The following NXPE2 variants were observed in gnomAD, a reference collection of about 807,000 sequenced individuals.
NXPE2 encodes neurexophilin and PC-esterase domain family member 2, also known as NXPE family member 2.
NXPE2 carries 34 observed loss-of-function variants against 34.4 expected under a neutral mutation model. That is an observed-to-expected ratio of 0.99 (90% CI 0.75 to 1.31). The LOEUF (loss-of-function observed/expected upper bound fraction) is 1.31, where lower values mean the gene tolerates loss of function less well. NXPE2 is among the 40% of genes most tolerant of loss of function. The pLI, the probability that NXPE2 is intolerant of heterozygous loss-of-function variation, is 0.00. For missense variants in NXPE2, 649 were observed against 672.5 expected, an observed-to-expected ratio of 0.97 and a Z score of 0.39; for synonymous variants, 235 against 231.3, an observed-to-expected ratio of 1.02 and a Z score of -0.15.
chr11:114,633,277 T>C, the NXPE2 span, among the ~76,000 whole-genome samples: 3 of 135,896 alleles, frequency 2.2e-5, no homozygotes, highest in African/African-American at 5.7e-5. Flanking sequence ...TATAGTATTA[T>C]GTTATATTAT....
chr11:114,654,065 C>A, the NXPE2 span, among the ~76,000 whole-genome samples: 1 of 152,092 alleles, frequency 6.6e-6, no homozygotes, highest in African/African-American at 2.4e-5. Context: ...GACAATGATA[C>A]AAAGTGGTGA....
chr11:114,547,472 C>A, the NXPE2 span, among the ~76,000 whole-genome samples: 2 of 152,242 alleles, frequency 1.3e-5, no homozygotes, highest in African/African-American at 4.8e-5. Context: ...CGGTGGCTCA[C>A]GCCTGTAATC....
the NXPE2 span, chr11:114,517,744 T>G: frequency 6.6e-6 from 1 of 151,904 alleles, no homozygotes; most frequent in African/African-American, 2.4e-5. Flanking sequence ...AAACCAGAGG[T>G]TGGGGGTCAG....
At chr11:114,769,980 A>C in the NXPE2 span, among the ~76,000 whole-genome samples, 2 of 152,320 alleles carry the variant, frequency 1.3e-5, no homozygotes, top group Non-Finnish European at 2.9e-5. Context: ...AAAGACAAAA[A>C]GAACCTGGAA....
the NXPE2 span, chr11:114,583,252 G>C: frequency 1.5e-6 from 1 of 673,656 alleles, no homozygotes; most frequent in South Asian, 1.7e-5. Flanking sequence ...AAGTGAGCAA[G>C]ATGGCGCAAA....
chr11:114,573,515 T>C, the NXPE2 span, among the ~76,000 whole-genome samples: 1 of 151,918 alleles, frequency 6.6e-6, no homozygotes, highest in African/African-American at 2.4e-5. Context: ...GGTAAAGGGG[T>C]GGAAAAAGAT....
chr11:114,772,128 T>G, the NXPE2 span, among the ~76,000 whole-genome samples: 2 of 152,196 alleles, frequency 1.3e-5, no homozygotes, highest in Non-Finnish European at 2.9e-5. Context: ...GTCCATTAAG[T>G]AGTCTCTTGT....
the NXPE2 span, among the ~76,000 whole-genome samples, chr11:114,672,644 A>C: frequency 6.6e-6 from 1 of 151,920 alleles, no homozygotes; most frequent in Non-Finnish European, 1.5e-5. Flanking sequence ...GTATCATTCA[A>C]ACAGCAATAA....
the NXPE2 span, among the ~76,000 whole-genome samples, chr11:114,786,184 G>T: frequency 6.6e-6 from 1 of 152,220 alleles, no homozygotes; most frequent in African/African-American, 2.4e-5. Flanking sequence ...CTGCATTGCG[G>T]TGCTGATCCC....
At chr11:114,611,927 C>T in the NXPE2 span, among the ~76,000 whole-genome samples, 136 of 148,018 alleles carry the variant, frequency 9.2e-4, 1 homozygote, top group East Asian at 0.022. Context: ...AAATTTTGCC[C>T]GGTGGGTAAC....
the NXPE2 span, among the ~76,000 whole-genome samples, chr11:114,619,937 C>T: frequency 6.6e-6 from 1 of 151,904 alleles, no homozygotes; most frequent in Admixed American, 6.6e-5. Context: ...ACCACTGTTA[C>T]CCGGTGGATA....
At chr11:114,485,058 G>A in the NXPE2 span, among the ~76,000 whole-genome samples, 1 of 151,990 alleles carries the variant, frequency 6.6e-6, no homozygotes, top group Non-Finnish European at 1.5e-5. Flanking sequence ...AATTTTTGTG[G>A]TAACATAATA....
the NXPE2 span, among the ~76,000 whole-genome samples, chr11:114,626,577 C>G: frequency 6.6e-6 from 1 of 152,160 alleles, no homozygotes; most frequent in East Asian, 1.9e-4. Context: ...GGGGAAAAAA[C>G]AGAGCAGAAA....
the NXPE2 span, among the ~76,000 whole-genome samples, chr11:114,649,456 T>C: frequency 2.7e-3 from 417 of 152,296 alleles, no homozygotes; most frequent in African/African-American, 9.3e-3. Flanking sequence ...CTCACAACTA[T>C]TATGCTCAGT....
the NXPE2 span, chr11:114,571,072 C>A: frequency 6.2e-7 from 1 of 1,613,962 alleles, no homozygotes; most frequent in Non-Finnish European, 8.5e-7. Flanking sequence ...TGGAAAATGT[C>A]CTTTATGATG....
chr11:114,742,526 G>A, the NXPE2 span, among the ~76,000 whole-genome samples: 2 of 152,076 alleles, frequency 1.3e-5, no homozygotes, highest in African/African-American at 2.4e-5. Flanking sequence ...GACCTAACGG[G>A]GTCTCTTTTT....
chr11:114,500,411 T>C, the NXPE2 span, among the ~76,000 whole-genome samples: 1 of 152,160 alleles, frequency 6.6e-6, no homozygotes, highest in South Asian at 2.1e-4. Context: ...TATACTTTTG[T>C]ATGATGAAAG....
the NXPE2 span, among the ~76,000 whole-genome samples, chr11:114,808,242 G>A: frequency 2.6e-5 from 4 of 152,120 alleles, no homozygotes; most frequent in Non-Finnish European, 4.4e-5. Flanking sequence ...GAGGAAGCAG[G>A]AAAGATCTAA....
At chr11:114,778,085 G>A in the NXPE2 span, among the ~76,000 whole-genome samples, 2 of 152,158 alleles carry the variant, frequency 1.3e-5, no homozygotes, top group Non-Finnish European at 2.9e-5. Context: ...TGTAATATGA[G>A]GATTTAACTT....
Sources: gnomAD v4.1 joint callset for allele counts (sites outside exome capture counted in the v4.1 genomes callset) on GRCh38, gnomAD v4.1.1 for gene constraint, MANE v1.5 for transcripts, NCBI Gene and HGNC (gene_info 2026-07-23, HGNC 2026-07-21) for gene names.